N4BP2L2: variants seen among roughly 807,000 people sequenced by gnomAD.
The protein encoded by N4BP2L2 is NEDD4-binding protein 2-like 2.
N4BP2L2 carries 50 observed loss-of-function variants against 56.2 expected under a neutral mutation model. The ratio of observed to expected loss-of-function variants is 0.89; its 90% confidence interval spans 0.71 to 1.13. The LOEUF is 1.13. Ranked by LOEUF, N4BP2L2 falls within the 50% of genes most tolerant of loss-of-function variation. The pLI is 0.00. For synonymous variants in N4BP2L2, 203 were observed against 223.6 expected (o/e 0.91, Z 0.82); for missense variants, 689 against 693.8 (o/e 0.99, Z 0.08).
chr13:32,436,291 TACAA>T, intron 9 of N4BP2L2: 1 of 766,102 alleles, frequency 1.3e-6, no homozygotes, highest in Non-Finnish European at 2.0e-6. Context: ...TATGAGCTAT[TACAA>T]ACAAATAATG....
At chr13:32,506,121 A>T (rs2090905183), downstream of N4BP2L2, 1 of 152,210 alleles carries the variant, frequency 6.6e-6, no homozygotes, top group Admixed American at 6.5e-5. Context: ...TCAAGGTGTC[A>T]GCAGTGTTGG....
At chr13:32,452,029 A>G (rs995316548) in intron 6 of N4BP2L2, among the ~76,000 whole-genome samples, 30 of 151,980 alleles carry the variant, frequency 2.0e-4, no homozygotes, top group African/African-American at 7.0e-4. Flanking sequence ...AAGAAAAAGA[A>G]AGAATACCTC....
At chr13:32,495,707 G>A (rs1211871114) in intron 6 of N4BP2L2, among the ~76,000 whole-genome samples, 4 of 151,588 alleles carry the variant, frequency 2.6e-5, no homozygotes, top group African/African-American at 9.7e-5. Context: ...TTTTTTAAAT[G>A]GAGTCTCGCT....
chr13:32,535,804 T>C, exon 2 of N4BP2L2: 2 of 1,614,150 alleles, frequency 1.2e-6, no homozygotes, highest in Admixed American at 3.3e-5. Context: ...CAGGCAGACC[T>C]CTTAAAAGAA....
At chr13:32,506,163 T>G (rs1417934303), downstream of N4BP2L2, 6 of 151,640 alleles carry the variant, frequency 4.0e-5, no homozygotes, top group Admixed American at 3.9e-4. Flanking sequence ...CTCTTTGGCT[T>G]GTAGATGGCC....
intron 6 of N4BP2L2, among the ~76,000 whole-genome samples, chr13:32,463,939 G>T (rs1397676976): frequency 1.9e-5 from 1 of 52,774 alleles, no homozygotes; most frequent in African/African-American, 7.5e-5. Flanking sequence ...AAAAAAAAAA[G>T]GTAAAGGGAA....
At chr13:32,496,101 A>G (rs892991074) in intron 6 of N4BP2L2, among the ~76,000 whole-genome samples, 2 of 152,156 alleles carry the variant, frequency 1.3e-5, no homozygotes, top group Non-Finnish European at 2.9e-5. Flanking sequence ...GGCAGCCAGG[A>G]AGGGCAATGT....
intron 2 of N4BP2L2, among the ~76,000 whole-genome samples, chr13:32,534,212 TTATA>T (rs955581202): frequency 1.8e-4 from 28 of 152,336 alleles, no homozygotes; most frequent in African/African-American, 6.3e-4. Flanking sequence ...ACTTTCATTC[TTATA>T]TATCTATTTT....
At chr13:32,527,227 G>C (rs779928119) in intron 3 of N4BP2L2, 181 bp downstream of exon 3, 2 of 577,802 alleles carry the variant, frequency 3.5e-6, no homozygotes, top group Non-Finnish European at 5.8e-6. Context: ...CAAAAACCCT[G>C]ATCAGGTAGG....
chr13:32,457,769 T>C (rs555291677), intron 6 of N4BP2L2, among the ~76,000 whole-genome samples: 3 of 152,136 alleles, frequency 2.0e-5, no homozygotes, highest in South Asian at 2.1e-4. Flanking sequence ...TCTACCATCA[T>C]GAAAACACAT....
chr13:32,464,085 G>A (rs973307905), intron 6 of N4BP2L2, among the ~76,000 whole-genome samples: 7 of 152,176 alleles, frequency 4.6e-5, no homozygotes, highest in Non-Finnish European at 8.8e-5. Context: ...TATATGCTTT[G>A]TAAGTCTTTT....
At chr13:32,459,575 CA>C (rs34019839) in intron 6 of N4BP2L2, among the ~76,000 whole-genome samples, 1 of 151,862 alleles carries the variant, frequency 6.6e-6, no homozygotes, top group Non-Finnish European at 1.5e-5. Flanking sequence ...AATATTGAAT[CA>C]AAAAGACATA....
exon 10 of N4BP2L2, chr13:32,432,517 A>T (rs991918488): frequency 3.3e-5 from 5 of 152,188 alleles, no homozygotes; most frequent in Non-Finnish European, 5.9e-5. Context: ...TTTATAACAC[A>T]CTTAAAAGTG....
chr13:32,466,546 A>G (rs2081273035), intron 6 of N4BP2L2, among the ~76,000 whole-genome samples: 1 of 152,130 alleles, frequency 6.6e-6, no homozygotes, highest in Non-Finnish European at 1.5e-5. Context: ...AAAAAAAAGA[A>G]AAAAAGAAAA....
At chr13:32,459,009 C>G (rs1292013802) in intron 6 of N4BP2L2, among the ~76,000 whole-genome samples, 2 of 152,090 alleles carry the variant, frequency 1.3e-5, no homozygotes, top group Non-Finnish European at 2.9e-5. Flanking sequence ...TGTACAAACA[C>G]ATGGAAATTA....
chr13:32,503,462 G>C (rs1250955123), intron 6 of N4BP2L2, among the ~76,000 whole-genome samples: 1 of 152,126 alleles, frequency 6.6e-6, no homozygotes, highest in Admixed American at 6.5e-5. Context: ...TTCTACAGAA[G>C]AGCCATTGGG....
downstream of N4BP2L2, chr13:32,509,009 C>T (rs1448349670): frequency 6.6e-6 from 1 of 152,154 alleles, no homozygotes; most frequent in East Asian, 1.9e-4. Context: ...ATTTCTTGAT[C>T]ATAAACCACA....
intron 6 of N4BP2L2, among the ~76,000 whole-genome samples, chr13:32,492,500 A>G (rs1288507541): frequency 1.3e-5 from 2 of 151,974 alleles, no homozygotes; most frequent in African/African-American, 4.8e-5. Flanking sequence ...CTGTTTTCTT[A>G]TCAGAAGTTA....
chr13:32,510,042 T>C (rs115764827), downstream of N4BP2L2, among the ~76,000 whole-genome samples: 1,463 of 152,228 alleles, frequency 9.6e-3, 32 homozygotes, highest in African/African-American at 0.034. Context: ...CTGTCTCTTT[T>C]ACTGTTCTTT....
Sources: allele counts gnomAD v4.1 joint callset (sites outside exome capture counted in the v4.1 genomes callset), GRCh38; gene constraint gnomAD v4.1.1; transcripts MANE v1.5; gene names NCBI Gene and HGNC (gene_info 2026-07-23, HGNC 2026-07-21).